The following SOX5 variants were observed in gnomAD, a reference collection of about 807,000 sequenced individuals.
SOX5 encodes the protein SRY-box transcription factor 5, also known as transcription factor SOX-5.
A neutral mutation model predicts 92.0 loss-of-function variants in SOX5; 9 were observed. That is an observed-to-expected ratio of 0.10 (90% CI 0.06 to 0.17). The LOEUF is 0.17. SOX5 is among the 10% of genes least tolerant of loss of function. The pLI is 1.00. For synonymous variants in SOX5, 344 were observed against 336.3 expected (o/e 1.02, Z -0.25); for missense variants, 642 against 944.5 (o/e 0.68, Z 4.20).
intron 4 of SOX5, among the ~76,000 whole-genome samples, chr12:23,751,013 C>T (rs534702526): frequency 1.3e-3 from 199 of 152,006 alleles, no homozygotes; most frequent in African/African-American, 4.6e-3. Flanking sequence ...TACGCGCCAG[C>T]AGTCTTTCTT....
At chr12:23,960,259 A>G (rs1946740144) in intron 4 of SOX5, among the ~76,000 whole-genome samples, 1 of 152,090 alleles carries the variant, frequency 6.6e-6, no homozygotes, top group East Asian at 1.9e-4. Context: ...TTGTTAACAC[A>G]GCAAAAGCTT....
chr12:24,545,249 T>C (rs3112135), intron 1 of SOX5, among the ~76,000 whole-genome samples: 105,123 of 152,018 alleles, frequency 0.69, 37,823 homozygotes, highest in Non-Finnish European at 0.8. Context: ...ACAAAGACAT[T>C]TTCTCCAAAG....
chr12:24,333,974 C>A (rs535290014), intron 2 of SOX5, among the ~76,000 whole-genome samples: 2 of 151,100 alleles, frequency 1.3e-5, no homozygotes, highest in Non-Finnish European at 3.0e-5. Flanking sequence ...TTAATAAAAA[C>A]CAATGGAATC....
intron 1 of SOX5, among the ~76,000 whole-genome samples, chr12:24,461,920 A>G (rs935694762): frequency 2.0e-5 from 3 of 152,166 alleles, no homozygotes; most frequent in African/African-American, 7.2e-5. Flanking sequence ...TCAGTTATTA[A>G]TTAATAGCAC....
chr12:23,628,237 C>T (rs2078084803), intron 8 of SOX5, among the ~76,000 whole-genome samples: 1 of 151,790 alleles, frequency 6.6e-6, no homozygotes, highest in South Asian at 2.1e-4. Context: ...AGAATGAAAA[C>T]CAGGTGTGGG....
At chr12:23,797,774 G>A (rs747672386) in intron 3 of SOX5, among the ~76,000 whole-genome samples, 9 of 151,904 alleles carry the variant, frequency 5.9e-5, no homozygotes, top group East Asian at 3.9e-4. Flanking sequence ...ACTTCTTTCC[G>A]TAAAAGATAA....
intron 3 of SOX5, among the ~76,000 whole-genome samples, chr12:23,804,913 TTTTA>T (rs1229138753): frequency 2.4e-4 from 26 of 109,332 alleles, no homozygotes; most frequent in African/African-American, 9.0e-4. Context: ...CCTATCATTG[TTTTA>T]TATATATATA....
intron 3 of SOX5, among the ~76,000 whole-genome samples, chr12:23,820,177 C>A (rs1256534124): frequency 1.3e-5 from 2 of 152,130 alleles, no homozygotes; most frequent in Non-Finnish European, 2.9e-5. Context: ...TCTCTAATGA[C>A]CAGTGATGAT....
chr12:23,974,652 A>C (rs1948713773), intron 4 of SOX5, among the ~76,000 whole-genome samples: 1 of 152,172 alleles, frequency 6.6e-6, no homozygotes, highest in African/African-American at 2.4e-5. Context: ...GAATGACGGG[A>C]AGATAGTGGT....
At chr12:24,336,240 G>T (rs1205545129) in intron 2 of SOX5, among the ~76,000 whole-genome samples, 2 of 151,364 alleles carry the variant, frequency 1.3e-5, no homozygotes, top group Non-Finnish European at 2.9e-5. Flanking sequence ...GACCACAGGC[G>T]CCCGCCACCA....
chr12:23,703,691 G>A (rs1256224381), intron 6 of SOX5, among the ~76,000 whole-genome samples: 1 of 150,698 alleles, frequency 6.6e-6, no homozygotes, highest in East Asian at 1.9e-4. Flanking sequence ...AAATTTTCAA[G>A]CTACATATCA....
chr12:24,444,270 A>ATGTGTG (rs56206607), intron 1 of SOX5, among the ~76,000 whole-genome samples: 2,595 of 149,208 alleles, frequency 0.017, 56 homozygotes, highest in East Asian at 0.053. Context: ...AGGCCACTGA[A>ATGTGTG]TGTGTGTGTG....
intron 4 of SOX5, among the ~76,000 whole-genome samples, chr12:24,004,047 T>C (rs79453022): frequency 0.048 from 7,377 of 152,114 alleles, 171 homozygotes; most frequent in Middle Eastern, 0.071. Flanking sequence ...GCAATTTAAA[T>C]GAGAAAGGAC....
chr12:24,314,709 C>T (rs1233883668), intron 2 of SOX5, among the ~76,000 whole-genome samples: 5 of 152,162 alleles, frequency 3.3e-5, no homozygotes, highest in Non-Finnish European at 7.4e-5. Flanking sequence ...TCCTTCTATT[C>T]ACTCCTTCAT....
chr12:23,821,681 G>A (rs933270139), intron 3 of SOX5, among the ~76,000 whole-genome samples: 3 of 152,160 alleles, frequency 2.0e-5, no homozygotes, highest in Admixed American at 6.5e-5. Context: ...CAGCTTGATC[G>A]TGGTAGATAA....
upstream of SOX5, among the ~76,000 whole-genome samples, chr12:23,950,590 G>A (rs1393794217): frequency 6.6e-6 from 1 of 152,110 alleles, no homozygotes; most frequent in South Asian, 2.1e-4. Flanking sequence ...ACAAAAAGAC[G>A]GTACTAACAA....
intron 4 of SOX5, among the ~76,000 whole-genome samples, chr12:24,101,506 C>A (rs1470127121): frequency 6.6e-6 from 1 of 152,118 alleles, no homozygotes; most frequent in Non-Finnish European, 1.5e-5. Flanking sequence ...AGAACAGTCA[C>A]CACAAGAGCA....
At chr12:24,331,499 G>A (rs1951295923) in intron 2 of SOX5, 1 of 152,010 alleles carries the variant, frequency 6.6e-6, no homozygotes, top group African/African-American at 2.4e-5. Context: ...TCTTACACTA[G>A]GGAATATATG....
intron 8 of SOX5, among the ~76,000 whole-genome samples, chr12:23,605,910 T>G (rs1000794400): frequency 6.6e-6 from 1 of 152,086 alleles, no homozygotes. Context: ...AATATTTTTA[T>G]ATTAATAATT....
Sources: gnomAD v4.1 joint callset for allele counts (sites outside exome capture counted in the v4.1 genomes callset) on GRCh38, gnomAD v4.1.1 for gene constraint, MANE v1.5 for transcripts, NCBI Gene and HGNC (gene_info 2026-07-23, HGNC 2026-07-21) for gene names.